The following TAF4 variants were observed in gnomAD, a reference collection of about 807,000 sequenced individuals.
The protein encoded by TAF4 is transcription initiation factor TFIID subunit 4.
In TAF4, 9 loss-of-function variants were observed where a neutral mutation model predicts 90.3. That is an observed-to-expected ratio of 0.10 (90% CI 0.06 to 0.17). TAF4 has a LOEUF of 0.17. TAF4 is among the 10% of genes least tolerant of loss of function. TAF4 has a pLI of 1.00. For synonymous variants in TAF4, 818 were observed against 638.9 expected (o/e 1.28, Z -4.23); for missense variants, 1,351 against 1,370.7 (o/e 0.99, Z 0.23).
chr20:62,048,072 T>G (rs1217905680), intron 1 of TAF4, among the ~76,000 whole-genome samples: 1 of 151,960 alleles, frequency 6.6e-6, no homozygotes, highest in Non-Finnish European at 1.5e-5. Context: ...GGGAAGGGTG[T>G]GTAGAAGAAA....
intron 14 of TAF4, among the ~76,000 whole-genome samples, chr20:61,988,241 T>C (rs962731617): frequency 2.1e-5 from 3 of 142,318 alleles, no homozygotes. Flanking sequence ...CGTGGGTTCA[T>C]GGATTCTAAC....
intron 14 of TAF4, among the ~76,000 whole-genome samples, chr20:61,982,121 G>GACACCAAAACCCACACAACCC (rs2055547915): frequency 9.4e-6 from 1 of 106,362 alleles, no homozygotes. Context: ...CCGGAGAGGA[G>GACACCAAAACCCACACAACCC]ACATCAAACC....
chr20:61,984,216 C>T (rs2055568447), intron 14 of TAF4, among the ~76,000 whole-genome samples: 1 of 152,230 alleles, frequency 6.6e-6, no homozygotes, highest in South Asian at 2.1e-4. Context: ...CACAGCACAC[C>T]CACAGACGCT....
chr20:61,988,623 C>G (rs1052635057), intron 14 of TAF4, among the ~76,000 whole-genome samples: 4 of 152,200 alleles, frequency 2.6e-5, no homozygotes, highest in Non-Finnish European at 4.4e-5. Context: ...AGAAAGGTGT[C>G]TGAAGGACTT....
At chr20:61,987,659 G>A (rs1029982581) in intron 14 of TAF4, among the ~76,000 whole-genome samples, 8 of 152,348 alleles carry the variant, frequency 5.3e-5, no homozygotes, top group Middle Eastern at 3.4e-3. Flanking sequence ...AAGACAGTCT[G>A]GCGGTTTCTT....
chr20:62,064,592 C>A lies in TAF4; in HGVS notation c.1219G>T (p.Ala407Ser), dbSNP rs555390926. 6 of 1,469,304 alleles carry A rather than the reference C, an allele frequency of 4.1e-6. No homozygotes were observed. The East Asian group carries it at 8.8e-5, about 22-fold the overall frequency. 91.0% of individuals were successfully genotyped at this position (1,469,304 alleles called of 1,614,324 possible). Residue 407 changes from alanine to serine, a missense_variant, in exon 1 of 15, where the codon GCA becomes TCA. Ala to Ser is a moderately conservative substitution (Grantham distance 99). Around this residue, in one of 9 missense-constraint regions of TAF4, gnomAD observed 782 missense variants for 536.6 expected, o/e 1.46. Coordinates refer to ENST00000252996, the MANE Select transcript of TAF4 (RefSeq NM_003185.4). ...GTCCGGGACAGGCTCTGGGTCACTGCGCCGGCCGCGCCTTTGGGCAGCCCG... is the reference window on the plus strand; with the variant it reads ...GTCCGGGACAGGCTCTGGGTCACTGAGCCGGCCGCGCCTTTGGGCAGCCCG... ...PTGLPKGAAG[A>S]VTQSLSRTPT... is the part of the protein sequence containing the mutation.
At chr20:61,976,434 G>A (rs2055495287) in intron 14 of TAF4, 99 bp from the exon 15 acceptor site, 7 of 1,402,080 alleles carry the variant, frequency 5.0e-6, no homozygotes, top group African/African-American at 1.4e-5. Flanking sequence ...TTCCAGAGGA[G>A]GCCAGGCCTG....
chr20:62,039,497 T>G (rs978526405), intron 1 of TAF4, among the ~76,000 whole-genome samples: 1 of 152,198 alleles, frequency 6.6e-6, no homozygotes, highest in Non-Finnish European at 1.5e-5. Flanking sequence ...CTCCTGTACC[T>G]TGGGTTAGGC....
intron 1 of TAF4, among the ~76,000 whole-genome samples, chr20:62,063,602 G>A (rs1251664529): frequency 1.3e-5 from 2 of 152,076 alleles, no homozygotes; most frequent in East Asian, 3.9e-4. Flanking sequence ...CCAGGCATCC[G>A]CAGCATAGCC....
At chr20:61,992,658 GC>G in intron 14 of TAF4, among the ~76,000 whole-genome samples, 2 of 152,144 alleles carry the variant, frequency 1.3e-5, no homozygotes, top group East Asian at 3.9e-4. Context: ...ACCCACCCCA[GC>G]AGCAATGACA....
chr20:62,036,704 T>G (rs1300679971), intron 1 of TAF4, among the ~76,000 whole-genome samples: 1 of 152,102 alleles, frequency 6.6e-6, no homozygotes, highest in Non-Finnish European at 1.5e-5. Flanking sequence ...CATACAAGCA[T>G]CCCAATACAG....
In TAF4 at chr20:62,012,817, G is replaced by C. The variant is rs775183155; in HGVS notation, c.1639C>G (p.Gln547Glu). 2 of 1,611,380 alleles carry C rather than the reference G, an allele frequency of 1.2e-6. No individual in the cohort carries two copies. The highest frequency in any genetic ancestry group is 1.3e-5 in the African/African-American group (1 of 74,888). The change falls in exon 3 of 15, where the codon CAG (glutamine) becomes GAG (glutamate). Residue 547 changes from glutamine (Q) to glutamate (E), a missense_variant and splice_region_variant. By Grantham distance (29) the Gln-to-Glu change is conservative. Coordinates refer to ENST00000252996, the MANE Select transcript of TAF4 (RefSeq NM_003185.4). ...AGATCCGCCGCCTGCCCTCTCACCT[G>C]GACGCCGGGCGAGCGCTGCAGGGTT... ...SATLQRSPGV[Q>E]PQLVLGGAAQ...
At chr20:62,018,347 A>C (rs991770155) in intron 1 of TAF4, among the ~76,000 whole-genome samples, 1 of 152,262 alleles carries the variant, frequency 6.6e-6, no homozygotes, top group South Asian at 2.1e-4. Context: ...AGAGGTTCTC[A>C]CAGTTCTGGG....
At chr20:62,024,583 C>A (rs2055864223) in intron 1 of TAF4, among the ~76,000 whole-genome samples, 1 of 152,144 alleles carries the variant, frequency 6.6e-6, no homozygotes, top group African/African-American at 2.4e-5. Flanking sequence ...AAGAAAATAA[C>A]CCAGGTTGGG....
intron 1 of TAF4, among the ~76,000 whole-genome samples, chr20:62,033,264 G>T (rs1226295190): frequency 6.6e-6 from 1 of 152,226 alleles, no homozygotes; most frequent in African/African-American, 2.4e-5. Context: ...GCCAAGATGC[G>T]TGTGTGGCAG....
intron 14 of TAF4, among the ~76,000 whole-genome samples, chr20:61,977,151 C>A (rs1204282200): frequency 6.8e-6 from 1 of 146,804 alleles, no homozygotes; most frequent in Non-Finnish European, 1.5e-5. Context: ...GCCACACACA[C>A]GACACCGCCC....
In TAF4 at chr20:62,065,742, G is replaced by C; in HGVS notation, c.69C>G (p.Ser23Arg). 7.5e-7 allele frequency: 1 copy of C among 1,337,664 alleles called. No homozygotes were observed. Among genetic ancestry groups the C allele is most frequent in the Non-Finnish European group, 9.7e-7 (1 of 1,026,634 alleles). The allele number at this position is 1,337,664 out of a possible 1,614,324, so 82.9% of individuals were successfully genotyped here. A position where few individuals can be genotyped will look rare whatever the true frequency, so the allele number is the denominator to read the frequency against. The change falls in exon 1 of 15, where the codon AGC becomes AGG. Residue 23 changes from serine (S) to arginine (R), a missense_variant. Physicochemically the swap from Ser to Arg is moderately radical, Grantham distance 110. Around this residue, in one of 9 missense-constraint regions of TAF4, gnomAD observed 782 missense variants for 536.6 expected, o/e 1.46. Coordinates refer to ENST00000252996, the MANE Select transcript of TAF4 (RefSeq NM_003185.4). ...GCGACTCCAGCGAGCCCACCAGGTC[G>C]CTCACCACTTTCTCGTCCACCTCGC... ...FNSEVDEKVV[S>R]DLVGSLESQL... is the part of the protein sequence containing the mutation.
At chr20:61,984,165 G>A (rs931102859) in intron 14 of TAF4, among the ~76,000 whole-genome samples, 1 of 152,086 alleles carries the variant, frequency 6.6e-6, no homozygotes, top group African/African-American at 2.4e-5. Context: ...AGCGGCTCGG[G>A]GATGTCCACC....
At chr20:61,997,290 T>A (rs1405088071) in intron 14 of TAF4, among the ~76,000 whole-genome samples, 4 of 152,194 alleles carry the variant, frequency 2.6e-5, no homozygotes, top group African/African-American at 9.7e-5. Flanking sequence ...CTTCCCCACA[T>A]CCTTTTCAAA....
Sources: gnomAD v4.1 joint callset for allele counts (sites outside exome capture counted in the v4.1 genomes callset) on GRCh38, gnomAD v4.1.1 for gene constraint, gnomAD v4.1.1 regional missense constraint, MANE v1.5 for transcripts, NCBI Gene and HGNC (gene_info 2026-07-23, HGNC 2026-07-21) for gene names.